MALRD1: variants seen among roughly 807,000 people sequenced by gnomAD.
MALRD1 encodes MAM and LDL-receptor class A domain-containing protein 1.
Under a neutral mutation model 242.1 loss-of-function variants are expected in MALRD1, and 247 were observed. The observed-to-expected ratio is 1.02, with a 90% CI of 0.92 to 1.13. The LOEUF is 1.13. Among genes scored for constraint, MALRD1 ranks in the 50% most tolerant of loss-of-function variants. The pLI, the probability that MALRD1 is intolerant of heterozygous loss-of-function variation, is 0.00. For missense variants in MALRD1, 2,989 were observed against 2,533.1 expected, an observed-to-expected ratio of 1.18 and a Z score of -3.86; for synonymous variants, 995 against 866.6, an observed-to-expected ratio of 1.15 and a Z score of -2.60.
intron 30 of MALRD1, among the ~76,000 whole-genome samples, chr10:19,495,495 C>T (rs865999340): frequency 2.0e-5 from 3 of 150,294 alleles, no homozygotes; most frequent in Middle Eastern, 7.0e-3. Context: ...CACATACAGG[C>T]AAACTAAACT....
At chr10:19,403,648 G>A (rs767066575) in intron 28 of MALRD1, among the ~76,000 whole-genome samples, 1 of 152,010 alleles carries the variant, frequency 6.6e-6, no homozygotes, top group African/African-American at 2.4e-5. Flanking sequence ...CTTTTCATCA[G>A]CATTCATGAG....
At chr10:19,580,200 G>A (rs1837042809) in intron 33 of MALRD1, among the ~76,000 whole-genome samples, 1 of 152,018 alleles carries the variant, frequency 6.6e-6, no homozygotes, top group Non-Finnish European at 1.5e-5. Flanking sequence ...AGATTATTGG[G>A]GGTTATACGA....
chr10:19,722,773 T>TAAGGA (rs1195799068), intron 38 of MALRD1, among the ~76,000 whole-genome samples: 1 of 151,620 alleles, frequency 6.6e-6, no homozygotes, highest in African/African-American at 2.4e-5. Context: ...GAGGAAAGCA[T>TAAGGA]AAGGAAAGGA....
At chr10:19,102,054 TTATAA>T (rs1360476634) in intron 4 of MALRD1, among the ~76,000 whole-genome samples, 44 of 103,952 alleles carry the variant, frequency 4.2e-4, no homozygotes, top group African/African-American at 1.4e-3. Context: ...ATAATCTATA[TTATAA>T]TATAATTATA....
At chr10:19,692,886 T>TATATATATATATATATATATA (rs373717863) in intron 38 of MALRD1, among the ~76,000 whole-genome samples, 12 of 136,856 alleles carry the variant, frequency 8.8e-5, no homozygotes, top group East Asian at 4.2e-4. Context: ...TATATATATA[T>TATATATATATATATATATATA]AATTTCATCC....
intron 29 of MALRD1, among the ~76,000 whole-genome samples, chr10:19,451,034 A>G (rs1288061476): frequency 6.6e-6 from 1 of 152,238 alleles, no homozygotes; most frequent in African/African-American, 2.4e-5. Flanking sequence ...ATAAACAGTC[A>G]GACCATAGCG....
chr10:19,592,754 C>T (rs1589280876), intron 33 of MALRD1, among the ~76,000 whole-genome samples: 1 of 116,384 alleles, frequency 8.6e-6, no homozygotes, highest in African/African-American at 3.2e-5. Flanking sequence ...CACACACACA[C>T]ACACACACGC....
At chr10:19,308,845 T>G (rs568999270) in intron 21 of MALRD1, among the ~76,000 whole-genome samples, 15 of 151,672 alleles carry the variant, frequency 9.9e-5, no homozygotes, top group Non-Finnish European at 2.1e-4. Flanking sequence ...GAGAAAGAAA[T>G]GCAGTTTAAT....
chr10:19,194,180 A>G (rs896876750), intron 14 of MALRD1, among the ~76,000 whole-genome samples: 1 of 152,136 alleles, frequency 6.6e-6, no homozygotes, highest in Non-Finnish European at 1.5e-5. Flanking sequence ...TTCAAACGCA[A>G]TTGTGGGTGC....
chr10:19,684,365 T>C (rs1842490277), intron 36 of MALRD1, among the ~76,000 whole-genome samples: 1 of 152,202 alleles, frequency 6.6e-6, no homozygotes, highest in Admixed American at 6.5e-5. Context: ...TAAATATTTC[T>C]TATTGGGTGG....
chr10:19,729,301 G>C (rs546635529), intron 38 of MALRD1, among the ~76,000 whole-genome samples: 45 of 152,312 alleles, frequency 3.0e-4, no homozygotes, highest in African/African-American at 1.0e-3. Context: ...ATCAGTAAGA[G>C]CCCCCTTCTT....
chr10:19,149,890 T>C (rs1040729838), intron 11 of MALRD1, among the ~76,000 whole-genome samples: 1 of 152,208 alleles, frequency 6.6e-6, no homozygotes, highest in Non-Finnish European at 1.5e-5. Flanking sequence ...TTTCTAGCCC[T>C]AGTGTATGCC....
chr10:19,264,456 CTT>C (rs1261988988), intron 19 of MALRD1, among the ~76,000 whole-genome samples: 6 of 111,558 alleles, frequency 5.4e-5, no homozygotes, highest in Non-Finnish European at 7.3e-5. Flanking sequence ...TTTTCTTTTT[CTT>C]TTTTTTTTTT....
chr10:19,216,589 A>G (rs1385626460), intron 18 of MALRD1, among the ~76,000 whole-genome samples: 2 of 152,108 alleles, frequency 1.3e-5, no homozygotes, highest in Non-Finnish European at 2.9e-5. Context: ...TCACATAACA[A>G]TAATAGTTTA....
chr10:19,518,503 GTCTC>G (rs749389328), intron 31 of MALRD1, among the ~76,000 whole-genome samples: 59 of 151,930 alleles, frequency 3.9e-4, no homozygotes, highest in Non-Finnish European at 7.8e-4. Flanking sequence ...AAATTACAGA[GTCTC>G]TACTGACCTG....
At chr10:19,356,168 A>G (rs1050849656) in intron 26 of MALRD1, among the ~76,000 whole-genome samples, 2 of 151,918 alleles carry the variant, frequency 1.3e-5, no homozygotes, top group Non-Finnish European at 2.9e-5. Context: ...ATTTATGTCT[A>G]TATGTATATC....
At chr10:19,113,316 A>G (rs1387647939) in intron 5 of MALRD1, among the ~76,000 whole-genome samples, 4 of 152,086 alleles carry the variant, frequency 2.6e-5, no homozygotes, top group Non-Finnish European at 5.9e-5. Flanking sequence ...CAATTCCCCC[A>G]AGAATCCCAT....
chr10:19,729,762 A>C (rs1204663993), intron 38 of MALRD1, among the ~76,000 whole-genome samples: 6 of 93,346 alleles, frequency 6.4e-5, no homozygotes, highest in Non-Finnish European at 1.1e-4. Flanking sequence ...TTTGAGACGG[A>C]GTCTCGCTCT....
At chr10:19,225,806 C>T (rs1162422243) in intron 18 of MALRD1, among the ~76,000 whole-genome samples, 1 of 152,186 alleles carries the variant, frequency 6.6e-6, no homozygotes, top group Non-Finnish European at 1.5e-5. Flanking sequence ...TACTTAACTA[C>T]TTGTTTTGAC....
Sources: gnomAD v4.1 joint callset for allele counts (sites outside exome capture counted in the v4.1 genomes callset) on GRCh38, gnomAD v4.1.1 for gene constraint, MANE v1.5 for transcripts, NCBI Gene and HGNC (gene_info 2026-07-23, HGNC 2026-07-21) for gene names.